Variants in SV2A observed in about 807,000 individuals in gnomAD.
The protein encoded by SV2A is solute carrier family 22 member B1.
Under a neutral mutation model 78.0 loss-of-function variants are expected in SV2A, and 25 were observed. The observed-to-expected ratio is 0.32, with a 90% CI of 0.23 to 0.45. The LOEUF (loss-of-function observed/expected upper bound fraction) is 0.45, where lower values mean the gene tolerates loss of function less well. Ranked by LOEUF, SV2A falls within the 20% of genes least tolerant of loss-of-function variation. The probability of loss-of-function intolerance (pLI) is 1.00; values close to 1 mark genes in which losing one functional copy is unlikely to be tolerated. For missense variants in SV2A, 752 were observed against 971.5 expected, an observed-to-expected ratio of 0.77 and a Z score of 3.00; for synonymous variants, 355 against 384.7, an observed-to-expected ratio of 0.92 and a Z score of 0.90.
chr1:149,912,639 C>T (rs587724233), intron 2 of SV2A, among the ~76,000 whole-genome samples: 7 of 152,186 alleles, frequency 4.6e-5, no homozygotes, highest in South Asian at 2.1e-4. Context: ...AGTAAGGCCT[C>T]GATTCTTTCT....
At chr1:149,913,115 G>T (rs1376463284) in intron 2 of SV2A, 104 bp downstream of exon 2, 1 of 1,433,354 alleles carries the variant, frequency 7.0e-7, no homozygotes, top group Non-Finnish European at 9.4e-7. Context: ...AACATCTTGG[G>T]TGCAGGGTCC....
In SV2A at chr1:149,911,984, G is replaced by A. The variant is rs2092478658; in HGVS notation, c.623-4C>T. The A allele has an allele frequency of 6.2e-7, 1 of 1,612,270 alleles. No homozygotes were observed. The highest frequency in any genetic ancestry group is 1.3e-5 in the African/African-American group (1 of 74,964). On this transcript the variant is annotated splice_polypyrimidine_tract_variant and splice_region_variant and intron_variant, in intron 2 of 12. Coordinates refer to ENST00000369146, the MANE Select transcript of SV2A (RefSeq NM_014849.5). ...ATGCCCAGGTAGACGATGAGGCCTG[G>A]AAGGAGGAGGAAAACAGGCAGAGGG...
In SV2A at chr1:149,911,763, G is replaced by A. The variant is rs1229397649; in HGVS notation, c.803+37C>T. The A allele has an allele frequency of 1.9e-6, 3 of 1,600,516 alleles. No homozygotes were observed. In the East Asian group the frequency reaches 6.7e-5, roughly 36 times the overall value. Reference sequence around the variant, plus strand: ...AAGATACAACAGTGACCAAGGCACAGTCCTGCCCTCAAGGGACTTAGGAAG... The same window carrying A: ...AAGATACAACAGTGACCAAGGCACAATCCTGCCCTCAAGGGACTTAGGAAG... On this transcript the variant is annotated intron_variant, in intron 3 of 12. Transcript: ENST00000369146.
chr1:149,908,766 T>A (rs1553763206), intron 8 of SV2A, among the ~76,000 whole-genome samples: 1 of 152,000 alleles, frequency 6.6e-6, no homozygotes, highest in East Asian at 1.9e-4. Flanking sequence ...GCCTCCAGAG[T>A]AGCTGGGACT....
At chr1:149,908,876 G>A (rs587752638) in intron 8 of SV2A, among the ~76,000 whole-genome samples, 15 of 152,040 alleles carry the variant, frequency 9.9e-5, no homozygotes, top group South Asian at 6.2e-4. Context: ...CTCATGATCC[G>A]CCCGCCTCGT....
intron 9 of SV2A, 23 bp from the exon 10 acceptor site, chr1:149,907,856 G>C: frequency 6.2e-7 from 1 of 1,610,914 alleles, no homozygotes; most frequent in South Asian, 1.1e-5. Context: ...GATGGTGAAA[G>C]ACACTCCCCC....
Position 149,909,968 on chromosome 1 carries a change from T to C in SV2A, c.1090-78A>G, listed in dbSNP as rs1330889874. Reference sequence around the variant, plus strand: ...AGTTATAGACCCCCTCCCTCCCACCTGGCTTCTGTAGTCACAGGACACTAA... The same window carrying C: ...AGTTATAGACCCCCTCCCTCCCACCCGGCTTCTGTAGTCACAGGACACTAA... On this transcript the variant is annotated intron_variant, in intron 5 of 12. Transcript: ENST00000369146. The C allele has an allele frequency of 1.2e-5, 17 of 1,390,698 alleles. No homozygotes were observed. In the Admixed American group the frequency reaches 2.8e-4, roughly 23 times the overall value. The allele number at this position is 1,390,698 out of a possible 1,614,324, so 86.1% of individuals were successfully genotyped here.
chr1:149,911,927 C>G lies in SV2A; in HGVS notation c.676G>C (p.Ala226Pro). Residue 226 changes from alanine to proline, a missense_variant, in exon 3 of 13, where the codon GCT becomes CCT. Physicochemically the swap from Ala to Pro is conservative, Grantham distance 27. Coordinates refer to ENST00000369146, the MANE Select transcript of SV2A (RefSeq NM_014849.5). ...MVGAFLWGGL[A>P]DRLGRRQCLL... ...CACTGCCTCCGACCCAGCCGGTCAG[C>G]CAGACCTCCCCAGAGGAAGGCTCCC... is the stretch of plus-strand genomic sequence containing the variant. The G allele has an allele frequency of 6.2e-7, 1 of 1,614,140 alleles. No individual in the cohort carries two copies. Among genetic ancestry groups the G allele is most frequent in the Non-Finnish European group, 8.5e-7 (1 of 1,180,008 alleles).
chr1:149,909,240 C>T lies in SV2A; in HGVS notation c.1331G>A (p.Arg444Gln), dbSNP rs868935741. 6.8e-6 allele frequency: 11 copies of T among 1,613,978 alleles called. No homozygotes were observed. The highest frequency in any genetic ancestry group is 2.2e-5 in the East Asian group (1 of 44,872). ...ACCCATCATCATCAGAGTGATGCGCCGATATTCGGGACCAAAACAGGAGAG... is the reference window on the plus strand; with the variant it reads ...ACCCATCATCATCAGAGTGATGCGCTGATATTCGGGACCAAAACAGGAGAG... ...NFLSCFGPEY[R>Q]RITLMMMGVW... Residue 444 changes from arginine to glutamine, a missense_variant, in exon 8 of 13, where the codon CGG becomes CAG. Arg to Gln is a conservative substitution (Grantham distance 43). Around this residue, in one of 7 missense-constraint regions of SV2A, gnomAD observed 136 missense variants for 132.3 expected, o/e 1.03. Coordinates refer to ENST00000369146, the MANE Select transcript of SV2A (RefSeq NM_014849.5).
chr1:149,911,993 G>A lies in SV2A; in HGVS notation c.623-13C>T, dbSNP rs2092478748. ...TAGACGATGAGGCCTGGAAGGAGGA[G>A]GAAAACAGGCAGAGGGGGTGTGAGC... On this transcript the variant is annotated splice_polypyrimidine_tract_variant and intron_variant, in intron 2 of 12. Transcript: ENST00000369146. 3 of 1,611,132 alleles carry A rather than the reference G, an allele frequency of 1.9e-6. No individual in the cohort carries two copies. In the East Asian group the frequency reaches 6.7e-5, roughly 36 times the overall value.
chr1:149,909,669 G>A (rs138866201), intron 6 of SV2A, 98 bp from the exon 7 acceptor site: 27,689 of 1,434,748 alleles, frequency 0.019, 323 homozygotes, highest in Non-Finnish European at 0.024. Flanking sequence ...TGGGAGGCAG[G>A]AGGTGGATAT....
Position 149,913,947 on chromosome 1 carries a change from A to T in SV2A, c.-107T>A. The T allele has an allele frequency of 6.8e-7, 1 of 1,481,214 alleles. No homozygotes were observed. The allele number at this position is 1,481,214 out of a possible 1,614,324, so 91.8% of individuals were successfully genotyped here. ...AAAAGACCCCTCCCCACAGTTACTT[A>T]GATGAAGCGTGTTCCAGTATCTCTG... On this transcript the variant is annotated 5_prime_UTR_variant, in exon 2 of 13. Transcript: ENST00000369146.
chr1:149,914,045 A>C lies in SV2A; in HGVS notation c.-205T>G. The C allele has an allele frequency of 1.4e-6, 1 of 704,378 alleles. No individual in the cohort carries two copies. Among genetic ancestry groups the C allele is most frequent in the Non-Finnish European group, 2.2e-6 (1 of 452,616 alleles). The allele number at this position is 704,378 out of a possible 1,614,324, so 43.6% of individuals were successfully genotyped here. A position where few individuals can be genotyped will look rare whatever the true frequency, so the allele number is the denominator to read the frequency against. Reference sequence around the variant, plus strand: ...AGGAAAAGGAAGGAGAGGAGCTTTGACCTATACCCAGTTCAGTTGGGTGGA... The same window carrying C: ...AGGAAAAGGAAGGAGAGGAGCTTTGCCCTATACCCAGTTCAGTTGGGTGGA... On this transcript the variant is annotated 5_prime_UTR_variant, in exon 2 of 13. Coordinates refer to ENST00000369146, the MANE Select transcript of SV2A (RefSeq NM_014849.5).
rs782421667 is a variant in SV2A, at chr1:149,906,716, C to A, written c.1819G>T (p.Ala607Ser). Reference protein sequence around the residue: ...VYFVSFLGTLAVLPGNIVSAL... With the variant: ...VYFVSFLGTLSVLPGNIVSAL... ...GACACGATATTCCCAGGAAGCACTG[C>A]CAGTGTCCCCAGGAAGCTCACAAAG... The change falls in exon 11 of 13, where the codon GCA becomes TCA. Residue 607 changes from alanine to serine, a missense_variant. Physicochemically the swap from Ala to Ser is moderately conservative, Grantham distance 99 (BLOSUM62 1). Transcript: ENST00000369146. The A allele has an allele frequency of 2.5e-6, 4 of 1,614,220 alleles. No homozygotes were observed. Among genetic ancestry groups the A allele is most frequent in the Non-Finnish European group, 3.4e-6 (4 of 1,180,042 alleles).
intron 12 of SV2A, 136 bp from the exon 13 acceptor site, chr1:149,905,333 G>C: frequency 1.4e-6 from 1 of 735,418 alleles, no homozygotes; most frequent in East Asian, 2.8e-5. Flanking sequence ...AGAGATCAGA[G>C]AGGTAAAGGA....
chr1:149,913,008 C>T (rs1181615381), intron 2 of SV2A, among the ~76,000 whole-genome samples: 7 of 152,184 alleles, frequency 4.6e-5, no homozygotes, highest in African/African-American at 7.2e-5. Context: ...TGCCCTCCCG[C>T]AAGCCCCTCT....
At chr1:149,905,396 A>G in intron 12 of SV2A, 199 bp from the exon 13 acceptor site, 2 of 510,002 alleles carry the variant, frequency 3.9e-6, no homozygotes, top group Middle Eastern at 5.1e-4. Flanking sequence ...GAGACCAAAA[A>G]TTGAGGTTAA....
Position 149,908,032 on chromosome 1 carries a change from C to T in SV2A, c.1544+10G>A. 1.2e-6 allele frequency: 2 copies of T among 1,612,938 alleles called. No individual in the cohort carries two copies. Among genetic ancestry groups the T allele is most frequent in the South Asian group, 1.1e-5 (1 of 90,954 alleles). The stretch of plus-strand genomic sequence containing the variant: ...CAGGGAAGAAGTGAAGTTTAAAAGT[C>T]CCCACATACTTGTCATTGAAGTACT... On this transcript the variant is annotated intron_variant, in intron 9 of 12. Transcript: ENST00000369146.
Position 149,914,099 on chromosome 1 carries a change from T to G in SV2A, c.-259A>C. 2 of 400,528 alleles carry G rather than the reference T, an allele frequency of 5.0e-6. No individual in the cohort carries two copies. The highest frequency in any genetic ancestry group is 2.0e-5 in the African/African-American group (1 of 49,478). 24.8% of individuals were successfully genotyped at this position (400,528 alleles called of 1,614,324 possible). Reference sequence around the variant, plus strand: ...GGAAGGGACAGGGGGAGCAGGGGAATGGGAAGGGGAAGGGGAGCCAGATTG... The same window carrying G: ...GGAAGGGACAGGGGGAGCAGGGGAAGGGGAAGGGGAAGGGGAGCCAGATTG... On this transcript the variant is annotated 5_prime_UTR_variant, in exon 2 of 13. Transcript: ENST00000369146.
Sources: gnomAD v4.1 joint callset for allele counts (sites outside exome capture counted in the v4.1 genomes callset) on GRCh38, gnomAD v4.1.1 for gene constraint, gnomAD v4.1.1 regional missense constraint, MANE v1.5 for transcripts, NCBI Gene and HGNC (gene_info 2026-07-23, HGNC 2026-07-21) for gene names.